SUN2: variants seen among roughly 807,000 people sequenced by gnomAD.
The protein encoded by SUN2 is Sad1 and UNC84 domain containing 2, also known as SUN domain-containing protein 2.
In SUN2, 60 loss-of-function variants were observed where a neutral mutation model predicts 100.0. The observed-to-expected ratio is 0.60, with a 90% CI of 0.49 to 0.74. The LOEUF is 0.74. Ranked by LOEUF, SUN2 falls within the 30% of genes least tolerant of loss-of-function variation. The pLI, the probability that SUN2 is intolerant of heterozygous loss-of-function variation, is 0.00. For missense variants in SUN2, 834 were observed against 954.6 expected (o/e 0.87, Z 1.66); for synonymous variants, 367 against 403.3 (o/e 0.91, Z 1.08).
chr22:38,753,969 T>G (rs1054487125), intron 1 of SUN2, among the ~76,000 whole-genome samples: 2 of 152,200 alleles, frequency 1.3e-5, no homozygotes, highest in Admixed American at 6.5e-5. Flanking sequence ...AAAACAAGGC[T>G]GTATACAAAC....
chr22:38,745,330 C>A (rs1427479930), intron 8 of SUN2, among the ~76,000 whole-genome samples: 1 of 152,082 alleles, frequency 6.6e-6, no homozygotes, highest in Non-Finnish European at 1.5e-5. Flanking sequence ...TTTCTCAGAC[C>A]AGAAAGACCA....
At chr22:38,751,862 C>T (rs896466587) in intron 2 of SUN2, among the ~76,000 whole-genome samples, 7 of 152,176 alleles carry the variant, frequency 4.6e-5, no homozygotes, top group African/African-American at 9.7e-5. Flanking sequence ...AAGGCTGACA[C>T]GCCCGTCCAG....
chr22:38,752,503 C>T lies in SUN2; in HGVS notation c.122+4G>A. The T allele has an allele frequency of 6.2e-7, 1 of 1,609,392 alleles. No homozygotes were observed. The highest frequency in any genetic ancestry group is 8.5e-7 in the Non-Finnish European group (1 of 1,176,398). The stretch of plus-strand genomic sequence containing the variant: ...GGGGCCGTGGCACTCCCTTGGGTCC[C>T]TACCTGAGAGGACTGTCTTTAAACA... On this transcript the variant is annotated splice_donor_region_variant and intron_variant, in intron 2 of 17. Coordinates refer to ENST00000689035, the MANE Select transcript of SUN2 (RefSeq NM_015374.3).
Position 38,739,833 on chromosome 22 carries a change from C to G in SUN2, c.1467G>C (p.Glu489Asp), listed in dbSNP as rs148038201. 19 of 1,613,624 alleles carry G rather than the reference C, an allele frequency of 1.2e-5. No homozygotes were observed. The highest frequency in any genetic ancestry group is 9.3e-6 in the Non-Finnish European group (11 of 1,180,024). The change falls in exon 13 of 18, where the codon GAG becomes GAC. Residue 489 changes from glutamate (E) to aspartate (D), a missense_variant. Physicochemically the swap from Glu to Asp is conservative, Grantham distance 45. Around this residue, in one of 3 missense-constraint regions of SUN2, gnomAD observed 195 missense variants for 280.2 expected, o/e 0.70. Transcript: ENST00000689035. This position sits in a 1 kb window ranked among gnomAD's most constrained non-coding sequence, Gnocchi z 6.7. ...CTGCCACATGGGTGAGGATCTTGCT[C>G]TCCAGCTCTCGCAGCTGAGCTTGCA... ...EEMQAQLREL[E>D]SKILTHVAEM... is the part of the protein sequence containing the mutation.
Position 38,738,019 on chromosome 22 carries a change from A to T in SUN2, c.2040+154T>A. ...TGCTGACGTCTGCAGGATGCGTGTTACACCCCATTTGGATATCACATCTTG... is the reference window on the plus strand; with the variant it reads ...TGCTGACGTCTGCAGGATGCGTGTTTCACCCCATTTGGATATCACATCTTG... On this transcript the variant is annotated intron_variant, in intron 17 of 17. Coordinates refer to ENST00000689035, the MANE Select transcript of SUN2 (RefSeq NM_015374.3). The surrounding 1 kb of genome is among the most constrained non-coding windows in gnomAD (Gnocchi z 6.6). 1.3e-6 allele frequency: 1 copy of T among 753,010 alleles called. No homozygotes were observed. Among genetic ancestry groups the T allele is most frequent in the Non-Finnish European group, 2.4e-6 (1 of 415,194 alleles). 46.6% of individuals were successfully genotyped at this position (753,010 alleles called of 1,614,324 possible). A position where few individuals can be genotyped will look rare whatever the true frequency, so the allele number is the denominator to read the frequency against.
At position 38,749,797 on chromosome 22, in the gene SUN2, C is replaced by G. The variant is rs778335481; in HGVS notation, c.583G>C (p.Ala195Pro). 2.1e-5 allele frequency: 34 copies of G among 1,614,034 alleles called. No homozygotes were observed. The highest frequency in any genetic ancestry group is 2.5e-5 in the Non-Finnish European group (30 of 1,180,040). ...GTTWYRLTTA[A>P]SLLDVFVLTR... ...AAAACGAAGACGTCAAGGAGGGAGG[C>G]AGCTGTGGTCAGGCGGTACCAGGTG... Residue 195 changes from alanine (A) to proline (P), a missense_variant, in exon 6 of 18, where the codon GCC becomes CCC. Ala to Pro is a conservative substitution (Grantham distance 27). This residue lies in a region of SUN2 where 559 missense variants were observed against 597.7 expected (regional missense o/e 0.94). Coordinates refer to ENST00000689035, the MANE Select transcript of SUN2 (RefSeq NM_015374.3).
At chr22:38,750,784 C>A (rs765942316) in intron 4 of SUN2, 114 bp downstream of exon 4, 679 of 1,489,706 alleles carry the variant, frequency 4.6e-4, no homozygotes, top group Non-Finnish European at 5.8e-4. Context: ...ATGGGAGGGG[C>A]GCTGTGCCTG....
Position 38,739,548 on chromosome 22 carries a change from C to T in SUN2, c.1579-122G>A. 1.5e-6 allele frequency: 2 copies of T among 1,344,100 alleles called. No homozygotes were observed. Among genetic ancestry groups the T allele is most frequent in the Non-Finnish European group, 2.1e-6 (2 of 959,642 alleles). The allele number at this position is 1,344,100 out of a possible 1,614,324, so 83.3% of individuals were successfully genotyped here. The stretch of plus-strand genomic sequence containing the variant: ...TCTAGGCTTGCACTGTGCTGGTGCC[C>T]AGGCAGATGTGGGCACACTGCCACC... On this transcript the variant is annotated intron_variant, in intron 13 of 17. Coordinates refer to ENST00000689035, the MANE Select transcript of SUN2 (RefSeq NM_015374.3). The surrounding 1 kb of genome is among the most constrained non-coding windows in gnomAD (Gnocchi z 6.7).
Position 38,755,269 on chromosome 22 carries a change from A to G in SUN2, c.-38+494T>C, listed in dbSNP as rs2092976972. ...CCTCTGCCCTCATTCCCACAGGCCA[A>G]ACCTGCAGAAATTGTCACCAAAGGC... is the stretch of plus-strand genomic sequence containing the variant. On this transcript the variant is annotated intron_variant, in intron 1 of 17. Coordinates refer to ENST00000689035, the MANE Select transcript of SUN2 (RefSeq NM_015374.3). The surrounding 1 kb of genome is among the most constrained non-coding windows in gnomAD (Gnocchi z 5.7). 1 of 1,133,084 alleles carries G rather than the reference A, an allele frequency of 8.8e-7. No individual in the cohort carries two copies. The highest frequency in any genetic ancestry group is 1.6e-5 in the African/African-American group (1 of 61,630). The allele number at this position is 1,133,084 out of a possible 1,614,324, so 70.2% of individuals were successfully genotyped here.
rs1434758674 is a variant in SUN2 at position 38,735,356 on chromosome 22, C to A, written c.*911G>T. 1.2e-5 allele frequency: 5 copies of A among 401,444 alleles called. No individual in the cohort carries two copies. The highest frequency in any genetic ancestry group is 8.9e-5 in the South Asian group (5 of 56,370). 24.9% of individuals were successfully genotyped at this position (401,444 alleles called of 1,614,324 possible). On this transcript the variant is annotated 3_prime_UTR_variant, in exon 18 of 18. Transcript: ENST00000689035. ...CAGACAGACCTCGCACCCCGATACC[C>A]TGAACGTCCCCACAAGAGCCCAGGA...
In SUN2 at chr22:38,755,039, A is replaced by G; in HGVS notation, c.-38+724T>C. 5.2e-6 allele frequency: 6 copies of G among 1,160,666 alleles called. No homozygotes were observed. The Admixed American group carries it at 8.3e-5, about 16-fold the overall frequency. The allele number at this position is 1,160,666 out of a possible 1,614,324, so 71.9% of individuals were successfully genotyped here. A position where few individuals can be genotyped will look rare whatever the true frequency, so the allele number is the denominator to read the frequency against. On this transcript the variant is annotated intron_variant, in intron 1 of 17. Transcript: ENST00000689035. This position sits in a 1 kb window ranked among gnomAD's most constrained non-coding sequence, Gnocchi z 5.7. ...CCCACCTCCTCCCTAACAATCAGTT[A>G]GGAAACGCTCATCGGAAAGCATCCT...
chr22:38,741,950 G>T (rs962343333), intron 9 of SUN2, among the ~76,000 whole-genome samples: 3 of 84,226 alleles, frequency 3.6e-5, no homozygotes, highest in South Asian at 4.1e-4. Context: ...AGACCAGCCT[G>T]GCCAACTTGG....
Position 38,736,221 on chromosome 22 carries a change from G to T in SUN2, c.*46C>A, listed in dbSNP as rs771079463. 6.4e-7 allele frequency: 1 copy of T among 1,557,584 alleles called. No individual in the cohort carries two copies. Among genetic ancestry groups the T allele is most frequent in the Non-Finnish European group, 8.8e-7 (1 of 1,132,356 alleles). On this transcript the variant is annotated 3_prime_UTR_variant, in exon 18 of 18. Transcript: ENST00000689035. Reference sequence around the variant, plus strand: ...CGTGTGGGGGAAGCGGCGGGGTGCTGTTCACCCACTCCCAGATGGCTGGCA... The same window carrying T: ...CGTGTGGGGGAAGCGGCGGGGTGCTTTTCACCCACTCCCAGATGGCTGGCA...
Position 38,741,040 on chromosome 22 carries a change from G to A in SUN2, c.1157C>T (p.Ala386Val), listed in dbSNP as rs1456591557. Reference sequence around the variant, plus strand: ...CTCTGACTTCAGCTGCTGGATGCGAGCCTCGGACTCCTGTGTAGGAAGAAG... The same window carrying A: ...CTCTGACTTCAGCTGCTGGATGCGAACCTCGGACTCCTGTGTAGGAAGAAG... ...KIVRASQESE[A>V]RIQQLKSEWQ... Residue 386 changes from alanine to valine, a missense_variant, in exon 11 of 18, where the codon GCT becomes GTT. By Grantham distance (64) the Ala-to-Val change is moderately conservative. Transcript: ENST00000689035. The A allele has an allele frequency of 1.9e-6, 3 of 1,597,860 alleles. No individual in the cohort carries two copies. The East Asian group carries it at 6.8e-5, about 36-fold the overall frequency.
Position 38,741,603 on chromosome 22 carries a change from CAG to C in SUN2, c.1069-34_1069-33del, listed in dbSNP as rs1165340080. The C allele has an allele frequency of 1.6e-5, 25 of 1,602,112 alleles. No homozygotes were observed. The Admixed American group carries it at 4.2e-4, about 27-fold the overall frequency. On this transcript the variant is annotated intron_variant, in intron 9 of 17. Transcript: ENST00000689035. ...GACGGGAGTGAGAGGACAGGTTGGA[CAG>C]AGCCATGCTTATAGGGACCCTCATG... is the stretch of plus-strand genomic sequence containing the variant.
At chr22:38,736,640 G>C (rs1047238680) in intron 17 of SUN2, 4 of 325,012 alleles carry the variant, frequency 1.2e-5, no homozygotes, top group South Asian at 1.2e-4. Flanking sequence ...TTTTTATTGT[G>C]ATCAACAGAT....
At chr22:38,749,284 G>A (rs141307391) in intron 6 of SUN2, among the ~76,000 whole-genome samples, 5 of 152,254 alleles carry the variant, frequency 3.3e-5, no homozygotes, top group African/African-American at 4.8e-5. Context: ...GCTGGTTTAG[G>A]GACTTGGGGA....
At chr22:38,742,258 TG>T in intron 9 of SUN2, 42 bp downstream of exon 9, 1 of 1,547,030 alleles carries the variant, frequency 6.5e-7, no homozygotes, top group Non-Finnish European at 8.8e-7. Context: ...CGCTTTCCTA[TG>T]GGTGTCACCC....
Position 38,739,646 on chromosome 22 carries a change from G to A in SUN2, c.1578+76C>T, listed in dbSNP as rs2092837101. 1 of 1,516,762 alleles carries A rather than the reference G, an allele frequency of 6.6e-7. No homozygotes were observed. Among genetic ancestry groups the A allele is most frequent in the Non-Finnish European group, 9.0e-7 (1 of 1,107,260 alleles). The allele number at this position is 1,516,762 out of a possible 1,614,324, so 94.0% of individuals were successfully genotyped here. A position where few individuals can be genotyped will look rare whatever the true frequency, so the allele number is the denominator to read the frequency against. The stretch of plus-strand genomic sequence containing the variant: ...CATCCTGGAACCTGCCAGGGAGCTG[G>A]CAGTGTGGGACTGTCCAGGGCTCCC... On this transcript the variant is annotated intron_variant, in intron 13 of 17. Coordinates refer to ENST00000689035, the MANE Select transcript of SUN2 (RefSeq NM_015374.3). This position sits in a 1 kb window ranked among gnomAD's most constrained non-coding sequence, Gnocchi z 6.7.
Sources: gnomAD v4.1 joint callset for allele counts (sites outside exome capture counted in the v4.1 genomes callset) on GRCh38, gnomAD v4.1.1 for gene constraint, gnomAD v4.1.1 regional missense constraint, Gnocchi (gnomAD v3.1) non-coding constraint, MANE v1.5 for transcripts, NCBI Gene and HGNC (gene_info 2026-07-23, HGNC 2026-07-21) for gene names.